The following PDXDC1 variants were observed in gnomAD, a reference collection of about 807,000 sequenced individuals.
PDXDC1 encodes pyridoxal dependent decarboxylase domain containing 1, also known as pyridoxal-dependent decarboxylase domain-containing protein 1.
Under a neutral mutation model 100.1 loss-of-function variants are expected in PDXDC1, and 42 were observed. That is an observed-to-expected ratio of 0.42 (90% CI 0.33 to 0.54). The LOEUF (loss-of-function observed/expected upper bound fraction) is 0.54, where lower values mean the gene tolerates loss of function less well. Among genes scored for constraint, PDXDC1 ranks in the 20% least tolerant of loss-of-function variants. PDXDC1 has a pLI of 0.10. For missense variants in PDXDC1, 636 were observed against 979.2 expected (o/e 0.65, Z 4.68); for synonymous variants, 260 against 371.7 (o/e 0.70, Z 3.46).
chr16:15,018,538 T>C (rs538360669), intron 11 of PDXDC1, among the ~76,000 whole-genome samples: 14 of 152,414 alleles, frequency 9.2e-5, no homozygotes, highest in African/African-American at 3.4e-4. Context: ...TTGAGGATGC[T>C]CAGAGCTACC....
chr16:15,031,750 G>T lies in PDXDC1; in HGVS notation c.1415G>T (p.Gly472Val). ...ACATCTTCAGTTTTAGGAACTCGGGGAGAGGATGTGGATCAGCTCGTAGCC... is the reference window on the plus strand; with the variant it reads ...ACATCTTCAGTTTTAGGAACTCGGGTAGAGGATGTGGATCAGCTCGTAGCC... Reference protein sequence around the residue: ...LMTAAVLGTRGEDVDQLVACI... With the variant: ...LMTAAVLGTRVEDVDQLVACI... The change falls in exon 17 of 23, where the codon GGA becomes GTA. Residue 472 changes from glycine to valine, a missense_variant. Gly to Val is a moderately radical substitution (Grantham distance 109). Transcript: ENST00000396410. 6.2e-6 allele frequency: 10 copies of T among 1,610,982 alleles called. No homozygotes were observed. Among genetic ancestry groups the T allele is most frequent in the Non-Finnish European group, 8.5e-6 (10 of 1,177,498 alleles).
At chr16:15,055,825 G>C in intron 16 of PDXDC1, 1 of 874,750 alleles carries the variant, frequency 1.1e-6, no homozygotes, top group Non-Finnish European at 1.5e-6. Flanking sequence ...GCGTGAGGGG[G>C]GCGCTAGCCC....
chr16:15,050,319 G>T (rs537045339), intron 16 of PDXDC1, among the ~76,000 whole-genome samples: 8 of 152,256 alleles, frequency 5.3e-5, no homozygotes, highest in Non-Finnish European at 8.8e-5. Flanking sequence ...TTCCTCAAAT[G>T]TCTAGACAAC....
chr16:15,016,493 C>T (rs1597525121), intron 9 of PDXDC1: 1 of 760,780 alleles, frequency 1.3e-6, no homozygotes, highest in Non-Finnish European at 2.0e-6. Flanking sequence ...TTGGTTTCCT[C>T]TATCTGTGGA....
At chr16:15,105,219 G>A (rs147926010) in intron 16 of PDXDC1, among the ~76,000 whole-genome samples, 2,413 of 127,288 alleles carry the variant, frequency 0.019, 30 homozygotes, top group Non-Finnish European at 0.031. Flanking sequence ...TCTTTTTGGA[G>A]AATGTTTTCC....
intron 1 of PDXDC1, among the ~76,000 whole-genome samples, chr16:14,987,033 C>T (rs1288254421): frequency 1.3e-5 from 2 of 152,268 alleles, no homozygotes. Context: ...CAGGTGTGAG[C>T]CACCATGCGT....
chr16:15,115,239 TTTC>T (rs1046778972), intron 16 of PDXDC1, among the ~76,000 whole-genome samples: 19 of 130,152 alleles, frequency 1.5e-4, no homozygotes, highest in African/African-American at 4.4e-4. Context: ...AGCCATTTTT[TTTC>T]TTTTTGTTTG....
At chr16:15,131,233 T>C (rs746488626) in intron 16 of PDXDC1, 2 of 1,591,204 alleles carry the variant, frequency 1.3e-6, no homozygotes, top group African/African-American at 1.3e-5. Context: ...CCAGTCCGAG[T>C]TGTTGGGCAC....
chr16:15,084,742 CA>C (rs1199342653), intron 16 of PDXDC1: 2 of 1,479,924 alleles, frequency 1.4e-6, no homozygotes, highest in Non-Finnish European at 1.9e-6. Context: ...AGCATCAAAA[CA>C]AAACTGAAGG....
At chr16:15,127,893 G>C (rs530408627) in intron 16 of PDXDC1, 32 of 1,533,296 alleles carry the variant, frequency 2.1e-5, no homozygotes, top group African/African-American at 6.9e-5. Flanking sequence ...ACAGGGCTGC[G>C]TGACCTAGAA....
rs187124873 is a variant in PDXDC1, at chr16:15,089,261, A to T, written c.1400-49618A>T. ...AGCCAAGATCATCCCACTACACTAC[A>T]GCCTAGGTGACAGAGCAAGACTCTG... is the stretch of plus-strand genomic sequence containing the variant. On this transcript the variant is annotated intron_variant, in intron 16 of 16. Transcript: ENST00000535621. Among the ~76,000 whole-genome samples, 444 of 152,228 alleles carry T rather than the reference A, an allele frequency of 2.9e-3. 3 individuals are homozygous for T. Among genetic ancestry groups the T allele is most frequent in the African/African-American group, 9.9e-3 (412 of 41,530 alleles).
intron 16 of PDXDC1, chr16:15,047,841 C>T: frequency 1.2e-6 from 2 of 1,604,256 alleles, no homozygotes; most frequent in Non-Finnish European, 8.5e-7. Context: ...TTTCCTTCAC[C>T]TCTCTCATCA....
chr16:15,143,012 G>T (rs1291929700), downstream of PDXDC1, among the ~76,000 whole-genome samples: 1 of 152,184 alleles, frequency 6.6e-6, no homozygotes, highest in African/African-American at 2.4e-5. Flanking sequence ...GGTGCACAGG[G>T]ACAGCCTGAT....
At chr16:15,059,866 A>C (rs1381562576) in intron 16 of PDXDC1, among the ~76,000 whole-genome samples, 3 of 152,090 alleles carry the variant, frequency 2.0e-5, no homozygotes. Context: ...CATATAGTGC[A>C]CACGGAAACC....
chr16:15,069,859 T>G (rs1212673510), intron 16 of PDXDC1, among the ~76,000 whole-genome samples: 7 of 152,220 alleles, frequency 4.6e-5, no homozygotes, highest in African/African-American at 1.7e-4. Flanking sequence ...CAAATCCATC[T>G]TAAGGGGTTT....
At chr16:15,020,975 A>C (rs1227266765) in intron 12 of PDXDC1, among the ~76,000 whole-genome samples, 689 of 145,958 alleles carry the variant, frequency 4.7e-3, no homozygotes, top group African/African-American at 0.016. Context: ...GCACCATCTA[A>C]ACACACACAC....
At chr16:15,131,590 A>G (rs1800568) in intron 16 of PDXDC1, 38,270 of 1,548,854 alleles carry the variant, frequency 0.025, 1,145 homozygotes, top group African/African-American at 0.12. Context: ...GAGGATGCGC[A>G]TGAGGGCAGA....
At chr16:15,148,370 ATTTTTTTTTTTTT>A in the PDXDC1 span, among the ~76,000 whole-genome samples, 24 of 34,122 alleles carry the variant, frequency 7.0e-4, no homozygotes, top group Admixed American at 3.7e-3. Context: ...AGATCCTGTG[ATTTTTTTTTTTTT>A]TTTTTTTTTT....
chr16:15,076,342 T>C, intron 16 of PDXDC1: 2 of 602,748 alleles, frequency 3.3e-6, no homozygotes, highest in Non-Finnish European at 5.9e-6. Context: ...AAGTGAAACA[T>C]ACTTCACCAA....
Sources: allele counts gnomAD v4.1 joint callset (sites outside exome capture counted in the v4.1 genomes callset), GRCh38; gene constraint gnomAD v4.1.1; transcripts MANE v1.5; gene names NCBI Gene and HGNC (gene_info 2026-07-23, HGNC 2026-07-21).